Variants in CNNM2 observed in about 807,000 individuals in gnomAD.
The protein encoded by CNNM2 is metal transporter CNNM2.
Under a neutral mutation model 66.9 loss-of-function variants are expected in CNNM2, and 12 were observed. That is an observed-to-expected ratio of 0.18 (90% CI 0.11 to 0.29). The LOEUF is 0.29. CNNM2 is among the 10% of genes least tolerant of loss of function. The pLI is 1.00. For missense variants in CNNM2, 705 were observed against 1,167.7 expected (o/e 0.60, Z 5.77); for synonymous variants, 557 against 501.8 (o/e 1.11, Z -1.47).
At chr10:103,022,995 C>T (rs952049830) in intron 1 of CNNM2, among the ~76,000 whole-genome samples, 17 of 152,062 alleles carry the variant, frequency 1.1e-4, no homozygotes, top group Admixed American at 1.3e-4. Context: ...ATTGACCTCC[C>T]GGGCTCAGGT....
At chr10:102,997,212 A>G (rs1210811375) in intron 1 of CNNM2, among the ~76,000 whole-genome samples, 7 of 152,224 alleles carry the variant, frequency 4.6e-5, no homozygotes, top group African/African-American at 1.7e-4. Flanking sequence ...GAGAATTCTT[A>G]TGGATTGCTT....
chr10:102,998,156 C>A (rs759624884), intron 1 of CNNM2, among the ~76,000 whole-genome samples: 5 of 152,284 alleles, frequency 3.3e-5, no homozygotes, highest in Non-Finnish European at 7.3e-5. Flanking sequence ...ACTGAAGCCA[C>A]ACTTGTGTTT....
intron 1 of CNNM2, among the ~76,000 whole-genome samples, chr10:103,007,176 A>G (rs2064245635): frequency 6.6e-6 from 1 of 152,176 alleles, no homozygotes; most frequent in Non-Finnish European, 1.5e-5. Context: ...AAGGACTTCA[A>G]AAGCAGGGAG....
At chr10:103,064,304 C>G (rs2065438368) in intron 4 of CNNM2, among the ~76,000 whole-genome samples, 1 of 152,202 alleles carries the variant, frequency 6.6e-6, no homozygotes, top group African/African-American at 2.4e-5. Context: ...GTTTGAAGAC[C>G]TATTACTCTG....
intron 5 of CNNM2, among the ~76,000 whole-genome samples, chr10:103,070,728 A>G (rs2065564215): frequency 6.6e-6 from 1 of 152,158 alleles, no homozygotes; most frequent in Non-Finnish European, 1.5e-5. Context: ...TCAGGAGTTC[A>G]AGACCAGCCT....
At chr10:102,969,644 G>A (rs778247649) in intron 1 of CNNM2, among the ~76,000 whole-genome samples, 2 of 151,992 alleles carry the variant, frequency 1.3e-5, no homozygotes, top group Non-Finnish European at 2.9e-5. Context: ...GTGGTTCACT[G>A]TTTTGTTTGT....
At chr10:102,979,826 C>T (rs935709930) in intron 1 of CNNM2, among the ~76,000 whole-genome samples, 7 of 152,048 alleles carry the variant, frequency 4.6e-5, no homozygotes, top group African/African-American at 1.7e-4. Context: ...CTGAAAAAGA[C>T]ACAGGGCTTA....
rs879864467 is a variant in CNNM2, at chr10:103,052,112, T to TA, written c.1766-2206dup. On this transcript the variant is annotated intron_variant, in intron 2 of 7. Coordinates refer to ENST00000369878, the MANE Select transcript of CNNM2 (RefSeq NM_017649.5). ...CAACATGGTGAAACCCTGACTCTAC[T>TA]AAAAAAAAAAATACAAAAATCAGCT... Among the ~76,000 whole-genome samples, 918 of 145,154 alleles carry TA rather than the reference T, an allele frequency of 6.3e-3. 7 individuals carry two copies. The highest frequency in any genetic ancestry group is 0.019 in the African/African-American group (774 of 39,710).
At chr10:103,051,367 G>A (rs763147446) in intron 2 of CNNM2, among the ~76,000 whole-genome samples, 8 of 152,038 alleles carry the variant, frequency 5.3e-5, no homozygotes, top group Non-Finnish European at 8.8e-5. Context: ...GGAGGCGGAG[G>A]TTGCAGTGAG....
intron 3 of CNNM2, 162 bp from the exon 4 acceptor site, chr10:103,056,633 A>AGT: frequency 1.5e-6 from 1 of 662,754 alleles, no homozygotes; most frequent in Non-Finnish European, 2.6e-6. Context: ...AATTTCTCCC[A>AGT]GGTAATCTGT....
In CNNM2 at chr10:103,065,113, T is replaced by C. The variant is rs1008719630; in HGVS notation, c.2074-3516T>C. Among the ~76,000 whole-genome samples the C allele has an allele frequency of 7.9e-5, 12 of 152,126 alleles. No homozygotes were observed. In the East Asian group the frequency reaches 1.9e-3, roughly 24 times the overall value. On this transcript the variant is annotated intron_variant, in intron 4 of 7. Transcript: ENST00000369878. ...GAAGCATCAGCTGGAATGGCAGTGG[T>C]CTGGAGTTTTGAGTCTTGCAGCCGC...
chr10:103,028,815 T>TTTTTC (rs1491101160), intron 1 of CNNM2, among the ~76,000 whole-genome samples: 4 of 67,696 alleles, frequency 5.9e-5, no homozygotes, highest in Non-Finnish European at 8.6e-5. Flanking sequence ...TTTCTTTTTC[T>TTTTTC]TTTTTTTTTT....
Position 103,077,168 on chromosome 10 carries a change from A to AGGC in CNNM2, c.2618_2620dup (p.Gly873dup), listed in dbSNP as rs1392432932. The AGGC allele has an allele frequency of 6.2e-7, 1 of 1,612,868 alleles. No individual in the cohort carries two copies. Among genetic ancestry groups the AGGC allele is most frequent in the Non-Finnish European group, 8.5e-7 (1 of 1,179,872 alleles). ...AGGCCAACCACAGCCTGCACAACGA[A>AGGC]GGCGCCATCTAGGCCGCGCTGGCTG... On this transcript the variant is annotated inframe_insertion, in exon 8 of 8. Coordinates refer to ENST00000369878, the MANE Select transcript of CNNM2 (RefSeq NM_017649.5).
intron 1 of CNNM2, among the ~76,000 whole-genome samples, chr10:102,954,670 A>T (rs942972689): frequency 1.3e-5 from 2 of 152,148 alleles, no homozygotes; most frequent in Non-Finnish European, 2.9e-5. Flanking sequence ...CCAGGAATTT[A>T]CAATCCAGGA....
At chr10:102,966,736 G>C (rs1416682277) in intron 1 of CNNM2, among the ~76,000 whole-genome samples, 1 of 152,194 alleles carries the variant, frequency 6.6e-6, no homozygotes, top group Non-Finnish European at 1.5e-5. Context: ...ATATAAAATA[G>C]ATTAATAACA....
chr10:102,986,833 A>C (rs1263066241), intron 1 of CNNM2, among the ~76,000 whole-genome samples: 4 of 151,658 alleles, frequency 2.6e-5, no homozygotes, highest in African/African-American at 9.7e-5. Flanking sequence ...ATATTACTAG[A>C]GGTGGTGATT....
intron 1 of CNNM2, among the ~76,000 whole-genome samples, chr10:103,044,516 A>C (rs1462728559): frequency 6.6e-6 from 1 of 151,810 alleles, no homozygotes; most frequent in African/African-American, 2.4e-5. Context: ...CGATCATGCC[A>C]CTGCACTCCA....
chr10:102,955,540 A>C (rs1442220094), intron 1 of CNNM2, among the ~76,000 whole-genome samples: 1 of 152,228 alleles, frequency 6.6e-6, no homozygotes, highest in African/African-American at 2.4e-5. Flanking sequence ...TAATTAAACT[A>C]AAGAGCTTCT....
At chr10:102,964,286 T>C (rs1564822980) in intron 1 of CNNM2, among the ~76,000 whole-genome samples, 1 of 152,004 alleles carries the variant, frequency 6.6e-6, no homozygotes. Flanking sequence ...TGGAGTGCAG[T>C]GGCACCATCT....
Sources: gnomAD v4.1 joint callset for allele counts (sites outside exome capture counted in the v4.1 genomes callset) on GRCh38, gnomAD v4.1.1 for gene constraint, MANE v1.5 for transcripts, NCBI Gene and HGNC (gene_info 2026-07-23, HGNC 2026-07-21) for gene names.